MBTPS1: variants seen among roughly 807,000 people sequenced by gnomAD.
The protein encoded by MBTPS1 is membrane bound transcription factor peptidase, site 1.
MBTPS1 carries 94 observed loss-of-function variants against 127.8 expected under a neutral mutation model. The ratio of observed to expected loss-of-function variants is 0.74; its 90% CI spans 0.62 to 0.87. The LOEUF (loss-of-function observed/expected upper bound fraction) is 0.87, where lower values mean the gene tolerates loss of function less well. Among genes scored for constraint, MBTPS1 ranks in the 40% least tolerant of loss-of-function variants. The pLI, the probability that MBTPS1 is intolerant of heterozygous loss-of-function variation, is 0.00. For synonymous variants in MBTPS1, 632 were observed against 509.4 expected, an observed-to-expected ratio of 1.24 and a Z score of -3.24; for missense variants, 1,636 against 1,353.2, an observed-to-expected ratio of 1.21 and a Z score of -3.28.
intron 11 of MBTPS1, chr16:84,075,519 G>A (rs2085842411): frequency 6.6e-6 from 1 of 152,284 alleles, no homozygotes; most frequent in African/African-American, 2.4e-5. Context: ...GACAAGACGT[G>A]ACCCACGATG....
intron 4 of MBTPS1, among the ~76,000 whole-genome samples, chr16:84,095,333 A>G (rs1389699914): frequency 6.6e-6 from 1 of 152,256 alleles, no homozygotes; most frequent in Admixed American, 6.5e-5. Context: ...CTAACCTCAG[A>G]AATGGTAACA....
chr16:84,080,424 C>A (rs1309887225), intron 11 of MBTPS1, among the ~76,000 whole-genome samples: 3 of 152,256 alleles, frequency 2.0e-5, no homozygotes, highest in Non-Finnish European at 4.4e-5. Flanking sequence ...AACATGCCCC[C>A]ACAAGACACT....
At position 84,092,421 on chromosome 16, in the gene MBTPS1, CAATGT is replaced by C. The variant is rs2086122357; in HGVS notation, c.847-578_847-574del. ...ATTAAGTTTATGGTAGGAAGAGAAG[CAATGT>C]AATGATTAAGATTATGTTTTTAAAG... is the stretch of plus-strand genomic sequence containing the variant. On this transcript the variant is annotated intron_variant, in intron 6 of 22. Transcript: ENST00000343411. Among the ~76,000 whole-genome samples, 21 of 152,128 alleles carry C rather than the reference CAATGT, an allele frequency of 1.4e-4. No homozygotes were observed. The South Asian group carries it at 4.4e-3, about 32-fold the overall frequency.
chr16:84,106,291 A>G (rs2086322723), intron 1 of MBTPS1, among the ~76,000 whole-genome samples: 1 of 152,148 alleles, frequency 6.6e-6, no homozygotes, highest in Non-Finnish European at 1.5e-5. Flanking sequence ...GCAAAACTCC[A>G]TCTCAAAATA....
chr16:84,084,419 C>T (rs1045681791), intron 10 of MBTPS1, among the ~76,000 whole-genome samples: 2 of 152,134 alleles, frequency 1.3e-5, no homozygotes, highest in African/African-American at 4.8e-5. Context: ...AAAGGTGAGT[C>T]CCCTTCACAA....
At chr16:84,092,716 T>A (rs1468841129) in intron 6 of MBTPS1, among the ~76,000 whole-genome samples, 1 of 152,100 alleles carries the variant, frequency 6.6e-6, no homozygotes, top group Admixed American at 6.5e-5. Flanking sequence ...AGTTTCCAAA[T>A]GAAGAGTGAA....
intron 3 of MBTPS1, among the ~76,000 whole-genome samples, chr16:84,098,602 C>T (rs965063696): frequency 2.0e-5 from 3 of 151,728 alleles, no homozygotes; most frequent in East Asian, 1.9e-4. Context: ...AGCGAAACTC[C>T]GTCTCAAAAA....
At chr16:84,055,379 G>T (rs1227689742) in intron 22 of MBTPS1, among the ~76,000 whole-genome samples, 1 of 152,204 alleles carries the variant, frequency 6.6e-6, no homozygotes, top group East Asian at 1.9e-4. Flanking sequence ...TAAACTCTTT[G>T]GAAGAGTACA....
chr16:84,072,424 C>T (rs1382746161), intron 12 of MBTPS1, among the ~76,000 whole-genome samples: 7 of 152,192 alleles, frequency 4.6e-5, no homozygotes, highest in African/African-American at 1.7e-4. Flanking sequence ...ACTGTGCGAC[C>T]TAAAAGGGTG....
Position 84,102,108 on chromosome 16 carries a change from C to A in MBTPS1, c.-324-1G>T. On this transcript the variant is annotated splice_acceptor_variant, in intron 1 of 22. Transcript: ENST00000343411. LOFTEE classifies it low-confidence loss of function (5UTR_SPLICE). ...GATCAATCAACCACTGTGAGCCAAT[C>A]TATGAAACAAAAAACAGTGCACACA... The A allele has an allele frequency of 4.8e-6, 1 of 206,392 alleles. No individual in the cohort carries two copies. Among genetic ancestry groups the A allele is most frequent in the Non-Finnish European group, 9.8e-6 (1 of 102,236 alleles). 12.8% of individuals were successfully genotyped at this position (206,392 alleles called of 1,614,324 possible). A position where few individuals can be genotyped will look rare whatever the true frequency, so the allele number is the denominator to read the frequency against.
intron 1 of MBTPS1, among the ~76,000 whole-genome samples, chr16:84,115,123 T>G (rs1295574831): frequency 1.3e-5 from 2 of 152,084 alleles, no homozygotes; most frequent in African/African-American, 2.4e-5. Flanking sequence ...GAGACGGGAT[T>G]TCACCACGTT....
intron 17 of MBTPS1, 103 bp from the exon 18 acceptor site, chr16:84,065,870 T>A: frequency 1.6e-6 from 1 of 629,628 alleles, no homozygotes; most frequent in South Asian, 2.4e-5. Context: ...ATGCTATGTA[T>A]TTTTTTAATT....
chr16:84,072,595 T>C (rs2085786633), intron 12 of MBTPS1, among the ~76,000 whole-genome samples: 2 of 152,042 alleles, frequency 1.3e-5, no homozygotes, highest in Non-Finnish European at 2.9e-5. Context: ...ATCGAGACCA[T>C]CCTGGCTAAC....
intron 6 of MBTPS1, among the ~76,000 whole-genome samples, 164 bp downstream of exon 6, chr16:84,093,023 AC>A (rs2086130809): frequency 6.6e-6 from 1 of 152,212 alleles, no homozygotes; most frequent in South Asian, 2.1e-4. Flanking sequence ...GGGCGGAGCC[AC>A]CCAGGAGGCA....
chr16:84,069,924 A>G lies in MBTPS1; in HGVS notation c.1897T>C (p.Tyr633His). The G allele has an allele frequency of 6.2e-7, 1 of 1,614,168 alleles. No homozygotes were observed. Among genetic ancestry groups the G allele is most frequent in the Non-Finnish European group, 8.5e-7 (1 of 1,180,014 alleles). The change falls in exon 14 of 23, where the codon TAT (tyrosine) becomes CAT (histidine). Residue 633 changes from tyrosine (Y) to histidine (H), a missense_variant. Physicochemically the swap from Tyr to His is moderately conservative, Grantham distance 83. Coordinates refer to ENST00000343411, the MANE Select transcript of MBTPS1 (RefSeq NM_003791.4). ...VLWDQYHNLR[Y>H]PPGYFPRDNL... is the part of the protein sequence containing the mutation. ...TCCCTGGGGAAATAGCCAGGTGGAT[A>G]GCGGAGGTTGTGGTACTGATCCCAG...
At chr16:84,094,537 C>G (rs976711788) in intron 4 of MBTPS1, among the ~76,000 whole-genome samples, 33 of 152,146 alleles carry the variant, frequency 2.2e-4, no homozygotes, top group Admixed American at 1.3e-4. Flanking sequence ...TACAGAATAC[C>G]TATATGACTT....
At chr16:84,114,408 T>C (rs2086441348) in intron 1 of MBTPS1, among the ~76,000 whole-genome samples, 1 of 152,220 alleles carries the variant, frequency 6.6e-6, no homozygotes, top group Non-Finnish European at 1.5e-5. Context: ...TGGTCTGTGG[T>C]GTCTTCACTG....
intron 21 of MBTPS1, chr16:84,057,449 G>A (rs918628706): frequency 7.9e-5 from 12 of 152,208 alleles, no homozygotes; most frequent in African/African-American, 2.9e-4. Context: ...ATTACCATGT[G>A]GGTGCTTTAC....
intron 22 of MBTPS1, among the ~76,000 whole-genome samples, chr16:84,055,239 T>A (rs550586117): frequency 6.6e-6 from 1 of 152,318 alleles, no homozygotes; most frequent in East Asian, 1.9e-4. Flanking sequence ...CCGTGACCTA[T>A]GCGCAAGGCC....
Sources: gnomAD v4.1 joint callset for allele counts (sites outside exome capture counted in the v4.1 genomes callset) on GRCh38, gnomAD v4.1.1 for gene constraint, MANE v1.5 for transcripts, NCBI Gene and HGNC (gene_info 2026-07-23, HGNC 2026-07-21) for gene names.